The following RANBP2 variants were observed in gnomAD, a reference collection of about 807,000 sequenced individuals.
RANBP2 encodes the protein E3 SUMO-protein ligase RanBP2.
A neutral mutation model predicts 303.6 loss-of-function variants in RANBP2; 57 were observed. The ratio of observed to expected loss-of-function variants is 0.19; its 90% CI spans 0.15 to 0.23. The LOEUF (loss-of-function observed/expected upper bound fraction) is 0.23, where lower values mean the gene tolerates loss of function less well. RANBP2 is among the 10% of genes least tolerant of loss of function. The probability of loss-of-function intolerance (pLI) is 1.00; values close to 1 mark genes in which losing one functional copy is unlikely to be tolerated. For missense variants in RANBP2, 3,138 were observed against 3,780.8 expected (o/e 0.83, Z 4.46); for synonymous variants, 1,167 against 1,301.5 (o/e 0.90, Z 2.23).
chr2:108,979,234 C>T, the RANBP2 span, among the ~76,000 whole-genome samples: 3 of 152,128 alleles, frequency 2.0e-5, no homozygotes, highest in Non-Finnish European at 1.5e-5. Context: ...GGAGAATCTG[C>T]GTCTTAGAGC....
chr2:109,682,063 G>A, the RANBP2 span, among the ~76,000 whole-genome samples: 6 of 152,220 alleles, frequency 3.9e-5, no homozygotes, highest in Non-Finnish European at 8.8e-5. Flanking sequence ...AACCAGACTA[G>A]TTGAGGAAAC....
chr2:109,548,011 C>G, the RANBP2 span, among the ~76,000 whole-genome samples: 1 of 152,058 alleles, frequency 6.6e-6, no homozygotes, highest in Non-Finnish European at 1.5e-5. Flanking sequence ...CATTTTTATA[C>G]CCCCAGCACA....
chr2:108,734,565 AT>A (rs1048112421), intron 4 of RANBP2, among the ~76,000 whole-genome samples: 26 of 151,960 alleles, frequency 1.7e-4, no homozygotes, highest in African/African-American at 5.1e-4. Context: ...GGATTATAGC[AT>A]TTTTTGCCTG....
the RANBP2 span, among the ~76,000 whole-genome samples, chr2:108,975,770 C>T: frequency 7.9e-5 from 12 of 152,252 alleles, no homozygotes; most frequent in East Asian, 9.7e-4. Context: ...GTGGCACTGT[C>T]GGCCAGGCTC....
chr2:108,782,410 T>G lies in RANBP2; in HGVS notation c.9034+9T>G. The G allele has an allele frequency of 6.2e-7, 1 of 1,613,940 alleles. No homozygotes were observed. Among genetic ancestry groups the G allele is most frequent in the Non-Finnish European group, 8.5e-7 (1 of 1,180,016 alleles). Reference sequence around the variant, plus strand: ...TGCCTCAGATTATGCTGGTGAGTTTTTACATTCAAATGCTACTTTTCATTT... The same window carrying G: ...TGCCTCAGATTATGCTGGTGAGTTTGTACATTCAAATGCTACTTTTCATTT... On this transcript the variant is annotated intron_variant, in intron 27 of 28. Coordinates refer to ENST00000283195, the MANE Select transcript of RANBP2 (RefSeq NM_006267.5).
chr2:109,004,963 T>C, the RANBP2 span, among the ~76,000 whole-genome samples: 5 of 152,212 alleles, frequency 3.3e-5, no homozygotes, highest in African/African-American at 1.2e-4. Flanking sequence ...CACTCACATA[T>C]GTTCAGAGCC....
At chr2:109,316,557 T>C in the RANBP2 span, among the ~76,000 whole-genome samples, 1 of 152,200 alleles carries the variant, frequency 6.6e-6, no homozygotes, top group Non-Finnish European at 1.5e-5. Flanking sequence ...ACTTTCTGTT[T>C]TAGAGCAGTT....
the RANBP2 span, among the ~76,000 whole-genome samples, chr2:109,199,130 C>T: frequency 1.3e-4 from 19 of 151,666 alleles, no homozygotes; most frequent in Non-Finnish European, 2.2e-4. Context: ...GAGGCTGAGG[C>T]GGGTGGATCA....
At chr2:109,483,077 A>T in the RANBP2 span, among the ~76,000 whole-genome samples, 2 of 152,178 alleles carry the variant, frequency 1.3e-5, no homozygotes, top group Admixed American at 6.5e-5. Context: ...AATGCGTTGC[A>T]TATTTATATT....
chr2:108,777,960 GCTC>G (rs567868792), intron 25 of RANBP2, among the ~76,000 whole-genome samples: 370 of 152,086 alleles, frequency 2.4e-3, no homozygotes, highest in African/African-American at 8.3e-3. Flanking sequence ...TTTTTTCACA[GCTC>G]CTGCCACCTA....
At chr2:109,253,686 T>C in the RANBP2 span, among the ~76,000 whole-genome samples, 1 of 152,112 alleles carries the variant, frequency 6.6e-6, no homozygotes, top group Non-Finnish European at 1.5e-5. Flanking sequence ...GGAAAGGAAT[T>C]TGGCTGTCTG....
At chr2:108,814,930 C>G in the RANBP2 span, among the ~76,000 whole-genome samples, 1 of 152,042 alleles carries the variant, frequency 6.6e-6, no homozygotes, top group Admixed American at 6.5e-5. Flanking sequence ...GCCACCACAT[C>G]TGGCCTGCAG....
intron 26 of RANBP2, 123 bp downstream of exon 26, chr2:108,781,552 C>CT: frequency 3.4e-6 from 3 of 880,254 alleles, no homozygotes; most frequent in Non-Finnish European, 5.3e-6. Context: ...GAAATGGAAG[C>CT]TCTATTTATT....
the RANBP2 span, among the ~76,000 whole-genome samples, chr2:109,607,562 C>A: frequency 6.6e-6 from 1 of 152,116 alleles, no homozygotes; most frequent in Non-Finnish European, 1.5e-5. Flanking sequence ...TTCTTTAGTA[C>A]TGGATTCCTC....
At chr2:109,405,132 C>T in the RANBP2 span, among the ~76,000 whole-genome samples, 1 of 152,070 alleles carries the variant, frequency 6.6e-6, no homozygotes, top group Non-Finnish European at 1.5e-5. Context: ...CAGCCAACGT[C>T]ACCTGCCAGC....
the RANBP2 span, among the ~76,000 whole-genome samples, chr2:109,406,577 GT>G: frequency 6.6e-6 from 1 of 152,148 alleles, no homozygotes; most frequent in South Asian, 2.1e-4. Context: ...GCCACTACTT[GT>G]TTTGGTAAAT....
At chr2:108,925,857 C>T in the RANBP2 span, among the ~76,000 whole-genome samples, 1 of 152,148 alleles carries the variant, frequency 6.6e-6, no homozygotes, top group Non-Finnish European at 1.5e-5. Flanking sequence ...CTCAAGTGAT[C>T]CACCTGCCTT....
the RANBP2 span, among the ~76,000 whole-genome samples, chr2:109,360,673 C>G: frequency 1.3e-5 from 2 of 152,210 alleles, no homozygotes; most frequent in African/African-American, 4.8e-5. Flanking sequence ...GCCTTGTATC[C>G]TGCAACCTTG....
the RANBP2 span, among the ~76,000 whole-genome samples, chr2:109,551,333 A>G: frequency 1.3e-5 from 2 of 152,268 alleles, no homozygotes; most frequent in Non-Finnish European, 2.9e-5. Flanking sequence ...GAATTAAATA[A>G]TGTTTTGAGT....
Sources: gnomAD v4.1 joint callset for allele counts (sites outside exome capture counted in the v4.1 genomes callset) on GRCh38, gnomAD v4.1.1 for gene constraint, MANE v1.5 for transcripts, NCBI Gene and HGNC (gene_info 2026-07-23, HGNC 2026-07-21) for gene names.